The following ANXA3 variants were observed in gnomAD, a reference collection of about 807,000 sequenced individuals.
The protein encoded by ANXA3 is annexin A3.
A neutral mutation model predicts 48.8 loss-of-function variants in ANXA3; 46 were observed. The observed-to-expected ratio is 0.94, with a 90% CI of 0.74 to 1.21. The LOEUF (loss-of-function observed/expected upper bound fraction) is 1.21, where lower values mean the gene tolerates loss of function less well. ANXA3 is among the 50% of genes most tolerant of loss of function. ANXA3 has a pLI of 0.00. For missense variants in ANXA3, 383 were observed against 378.6 expected (o/e 1.01, Z -0.10); for synonymous variants, 128 against 134.7 (o/e 0.95, Z 0.35).
chr4:78,554,971 C>T (rs1722480548), intron 2 of ANXA3, among the ~76,000 whole-genome samples: 1 of 152,104 alleles, frequency 6.6e-6, no homozygotes, highest in Non-Finnish European at 1.5e-5. Context: ...TTTGGGAGGC[C>T]GAGGTGGGTG....
intron 10 of ANXA3, among the ~76,000 whole-genome samples, chr4:78,600,066 C>A (rs1269612838): frequency 1.3e-5 from 2 of 152,140 alleles, no homozygotes; most frequent in Non-Finnish European, 2.9e-5. Flanking sequence ...GCTGGACTCT[C>A]AAGATAAGCT....
At chr4:78,600,936 ATT>A in intron 10 of ANXA3, among the ~76,000 whole-genome samples, 1 of 148,676 alleles carries the variant, frequency 6.7e-6, no homozygotes, top group South Asian at 2.1e-4. Context: ...GAAGGATTGT[ATT>A]TTTTTTTTAA....
intron 2 of ANXA3, among the ~76,000 whole-genome samples, chr4:78,562,241 T>G (rs2109926376): frequency 6.6e-6 from 1 of 152,210 alleles, no homozygotes; most frequent in Middle Eastern, 3.4e-3. Context: ...AAAAGAAGTA[T>G]ATAGAGTACT....
chr4:78,551,988 C>A (rs893323464), intron 1 of ANXA3, 129 bp downstream of exon 1: 10 of 152,432 alleles, frequency 6.6e-5, no homozygotes, highest in African/African-American at 2.4e-4. Flanking sequence ...GCAGGGCTGG[C>A]GGCTGGCGCC....
chr4:78,578,765 G>A (rs947667622), intron 3 of ANXA3, among the ~76,000 whole-genome samples: 4 of 151,956 alleles, frequency 2.6e-5, no homozygotes, highest in African/African-American at 9.7e-5. Context: ...CTGATGTACA[G>A]AAAGGAGTAT....
Position 78,610,057 on chromosome 4 carries a change from C to T in ANXA3, c.914C>T (p.Ser305Leu), listed in dbSNP as rs147238760. ...YGYSLYSAIK[S>L]DTSGDYEITL... ...CTTCATTGATTTTATTCTTTGCAGT[C>T]GGATACTTCTGGAGACTATGAAATC... The change falls in exon 13 of 13, where the codon TCG becomes TTG. Residue 305 changes from serine to leucine, a missense_variant and splice_region_variant. Transcript: ENST00000264908. The T allele has an allele frequency of 5.8e-4, 923 of 1,604,706 alleles. 1 individual carries two copies. Among genetic ancestry groups the T allele is most frequent in the Non-Finnish European group, 6.9e-4 (806 of 1,173,188 alleles).
At chr4:78,578,302 A>AGT (rs1351494019) in intron 3 of ANXA3, among the ~76,000 whole-genome samples, 12 of 96,256 alleles carry the variant, frequency 1.2e-4, no homozygotes, top group South Asian at 1.1e-3. Flanking sequence ...AGAGAGCGAG[A>AGT]GAGAGAGAGA....
intron 11 of ANXA3, chr4:78,603,798 T>C (rs1315412144): frequency 6.6e-6 from 1 of 152,330 alleles, no homozygotes; most frequent in Non-Finnish European, 1.5e-5. Flanking sequence ...TGGCGTTCTT[T>C]ATTGCCCTAA....
intron 4 of ANXA3, among the ~76,000 whole-genome samples, chr4:78,579,919 C>T (rs895620990): frequency 3.3e-5 from 5 of 152,048 alleles, no homozygotes; most frequent in Non-Finnish European, 7.4e-5. Context: ...AGCAAGACTC[C>T]GTCTCAAAAA....
intron 12 of ANXA3, among the ~76,000 whole-genome samples, chr4:78,607,933 G>A (rs1311626047): frequency 1.3e-5 from 2 of 152,160 alleles, no homozygotes; most frequent in Non-Finnish European, 2.9e-5. Flanking sequence ...ATGGGAAGAA[G>A]CAAGAGGGAA....
intron 2 of ANXA3, among the ~76,000 whole-genome samples, chr4:78,562,250 C>T (rs1221512604): frequency 5.9e-5 from 9 of 152,088 alleles, no homozygotes; most frequent in African/African-American, 2.2e-4. Flanking sequence ...ATATAGAGTA[C>T]TGAGCAATAA....
chr4:78,595,667 C>T, intron 8 of ANXA3, 127 bp from the exon 9 acceptor site: 1 of 760,422 alleles, frequency 1.3e-6, no homozygotes, highest in Non-Finnish European at 2.1e-6. Flanking sequence ...GATTTCTAGT[C>T]TTCTGAAAGT....
intron 2 of ANXA3, among the ~76,000 whole-genome samples, chr4:78,567,756 C>T (rs1722761399): frequency 1.3e-5 from 2 of 152,222 alleles, no homozygotes; most frequent in Non-Finnish European, 2.9e-5. Flanking sequence ...GGGTCTTAAA[C>T]TATCTTCAGT....
At chr4:78,589,106 C>T (rs1234715603) in intron 6 of ANXA3, among the ~76,000 whole-genome samples, 3 of 152,144 alleles carry the variant, frequency 2.0e-5, no homozygotes, top group Non-Finnish European at 4.4e-5. Flanking sequence ...GGATTTTCGT[C>T]TATGTTGTTC....
At chr4:78,596,850 TG>T (rs1433211169) in intron 9 of ANXA3, among the ~76,000 whole-genome samples, 3 of 152,222 alleles carry the variant, frequency 2.0e-5, no homozygotes, top group African/African-American at 7.2e-5. Context: ...GAAATTCAAA[TG>T]CCTTCTGGGA....
At chr4:78,583,832 G>A (rs774088258) in intron 5 of ANXA3, among the ~76,000 whole-genome samples, 4 of 152,182 alleles carry the variant, frequency 2.6e-5, no homozygotes, top group Admixed American at 1.3e-4. Context: ...CAGGTCTGCC[G>A]AGAAAGGTAA....
At position 78,595,388 on chromosome 4, in the gene ANXA3, G is replaced by A. The variant is rs781021866; in HGVS notation, c.491G>A (p.Arg164Lys). The A allele has an allele frequency of 1.9e-6, 3 of 1,613,682 alleles. No individual in the cohort carries two copies. The highest frequency in any genetic ancestry group is 1.1e-5 in the South Asian group (1 of 91,008). The change falls in exon 8 of 13, where the codon AGA becomes AAA. Residue 164 changes from arginine to lysine, a missense_variant. Coordinates refer to ENST00000264908, the MANE Select transcript of ANXA3 (RefSeq NM_005139.3). ...KALLTLADGR[R>K]DESLKVDEHL... is the part of the protein sequence containing the mutation. ...TTTCGTCCTCCTGTTTAGGGCAGAA[G>A]AGATGAAAGTCTGAAAGTGGATGAG...
intron 6 of ANXA3, among the ~76,000 whole-genome samples, chr4:78,587,119 A>G (rs1723195787): frequency 6.6e-6 from 1 of 152,232 alleles, no homozygotes; most frequent in Non-Finnish European, 1.5e-5. Context: ...GATATTTGGA[A>G]GGGTCCAGTG....
At chr4:78,585,601 C>T (rs1723157827) in intron 5 of ANXA3, among the ~76,000 whole-genome samples, 1 of 152,230 alleles carries the variant, frequency 6.6e-6, no homozygotes, top group African/African-American at 2.4e-5. Context: ...GGTTCCATTA[C>T]TAAGCAAGAA....
Sources: allele counts gnomAD v4.1 joint callset (sites outside exome capture counted in the v4.1 genomes callset), GRCh38; gene constraint gnomAD v4.1.1; transcripts MANE v1.5; gene names NCBI Gene and HGNC (gene_info 2026-07-23, HGNC 2026-07-21).